DLGAP2: variants seen among roughly 807,000 people sequenced by gnomAD.
DLGAP2 encodes the protein DLG associated protein 2.
DLGAP2 carries 26 observed loss-of-function variants against 100.3 expected under a neutral mutation model. The ratio of observed to expected loss-of-function variants is 0.26; its 90% CI spans 0.19 to 0.36. The LOEUF (loss-of-function observed/expected upper bound fraction) is 0.36, where lower values mean the gene tolerates loss of function less well. DLGAP2 is among the 10% of genes least tolerant of loss of function. The probability of loss-of-function intolerance (pLI) is 1.00; values close to 1 mark genes in which losing one functional copy is unlikely to be tolerated. For missense variants in DLGAP2, 1,858 were observed against 1,453.2 expected (o/e 1.28, Z -4.53); for synonymous variants, 886 against 630.1 (o/e 1.41, Z -6.08).
Position 799,945 on chromosome 8 carries a change from T to C in DLGAP2, c.18+62120T>C, listed in dbSNP as rs180719897. Reference sequence around the variant, plus strand: ...GCTTAAGTCTCATGAATTAATGCTGTAATTGCAGTGATTGGATTCGCATTT... The same window carrying C: ...GCTTAAGTCTCATGAATTAATGCTGCAATTGCAGTGATTGGATTCGCATTT... On this transcript the variant is annotated intron_variant, in intron 1 of 14. Transcript: ENST00000637795. 1.1e-3 allele frequency among the ~76,000 whole-genome samples: 169 copies of C among 152,356 alleles called. 1 individual carries two copies. The highest frequency in any genetic ancestry group is 3.9e-3 in the African/African-American group (164 of 41,594).
At chr8:1,063,619 G>C (rs1280746946) in intron 2 of DLGAP2, among the ~76,000 whole-genome samples, 5 of 149,844 alleles carry the variant, frequency 3.3e-5, no homozygotes, top group Admixed American at 1.3e-4. Context: ...TAGAATGTCA[G>C]TAAAAGGATG....
At chr8:1,627,187 T>G (rs1482481970) in intron 7 of DLGAP2, among the ~76,000 whole-genome samples, 1 of 152,254 alleles carries the variant, frequency 6.6e-6, no homozygotes, top group African/African-American at 2.4e-5. Flanking sequence ...GCTGTCTTCC[T>G]TCTTCCCAGG....
intron 1 of DLGAP2, among the ~76,000 whole-genome samples, chr8:769,283 G>A (rs1241429711): frequency 6.6e-6 from 1 of 152,092 alleles, no homozygotes; most frequent in Non-Finnish European, 1.5e-5. Context: ...CAGGGAAGAA[G>A]TATTGTTCTC....
At chr8:1,316,100 A>G (rs1329797546) in intron 3 of DLGAP2, among the ~76,000 whole-genome samples, 1 of 134,312 alleles carries the variant, frequency 7.4e-6, no homozygotes, top group Non-Finnish European at 1.6e-5. Flanking sequence ...TCTACACTCG[A>G]GACACTCGGC....
intron 2 of DLGAP2, among the ~76,000 whole-genome samples, chr8:1,107,323 G>T (rs2600483): frequency 6.6e-6 from 1 of 152,082 alleles, no homozygotes; most frequent in East Asian, 1.9e-4. Context: ...GGGCTGGGAG[G>T]CTGGGCTGGC....
rs372685866 is a variant in DLGAP2 at position 1,290,186 on chromosome 8, T to C, written c.106+31303T>C. Among the ~76,000 whole-genome samples, 73 of 152,286 alleles carry C rather than the reference T, an allele frequency of 4.8e-4. 1 individual carries two copies. The East Asian group carries it at 0.014, about 29-fold the overall frequency. On this transcript the variant is annotated intron_variant, in intron 3 of 14. Transcript: ENST00000637795. ...CATCACAGGCCTCTGTAAGCAGATCTAGTCAGCTAGACTCGAACAAAATGA... is the reference window on the plus strand; with the variant it reads ...CATCACAGGCCTCTGTAAGCAGATCCAGTCAGCTAGACTCGAACAAAATGA...
At chr8:1,164,125 G>A (rs776466699) in intron 2 of DLGAP2, among the ~76,000 whole-genome samples, 8 of 54,196 alleles carry the variant, frequency 1.5e-4, no homozygotes, top group East Asian at 4.0e-4. Context: ...CGCAGGGCCC[G>A]TCATTTTGGT....
chr8:833,633 G>C (rs576098587), intron 1 of DLGAP2, among the ~76,000 whole-genome samples: 1 of 152,286 alleles, frequency 6.6e-6, no homozygotes, highest in South Asian at 2.1e-4. Context: ...CAGGACCCTC[G>C]GCTTCTCCCC....
At chr8:1,454,400 C>A (rs115847861) in intron 3 of DLGAP2, among the ~76,000 whole-genome samples, 3 of 151,796 alleles carry the variant, frequency 2.0e-5, no homozygotes, top group African/African-American at 4.8e-5. Context: ...ACCGTCCCTG[C>A]GTGAGTTTGA....
chr8:980,235 A>T (rs11137117), intron 2 of DLGAP2, among the ~76,000 whole-genome samples: 12,538 of 152,226 alleles, frequency 0.082, 603 homozygotes, highest in Admixed American at 0.13. Flanking sequence ...TAGCCAAAGA[A>T]ACGGGATGGG....
At position 1,453,619 on chromosome 8, in the gene DLGAP2, A is replaced by G. The variant is rs1405933555; in HGVS notation, c.107-47747A>G. Among the ~76,000 whole-genome samples, 5 of 152,166 alleles carry G rather than the reference A, an allele frequency of 3.3e-5. No homozygotes were observed. The South Asian group carries it at 6.2e-4, about 19-fold the overall frequency. On this transcript the variant is annotated intron_variant, in intron 3 of 14. Coordinates refer to ENST00000637795, the MANE Select transcript of DLGAP2 (RefSeq NM_001346810.2). ...AGAACGTCTCTTGGGGTCCCTTGCA[A>G]GAAGCATAATTCAACCTGTGCCTGC... is the stretch of plus-strand genomic sequence containing the variant.
chr8:1,052,485 G>C (rs1223303419), intron 2 of DLGAP2, among the ~76,000 whole-genome samples: 22 of 152,224 alleles, frequency 1.4e-4, no homozygotes, highest in Non-Finnish European at 3.1e-4. Flanking sequence ...AGTGGGGAGA[G>C]GAGGGAGTAT....
At chr8:1,116,682 G>C (rs978583261) in intron 2 of DLGAP2, among the ~76,000 whole-genome samples, 1 of 152,110 alleles carries the variant, frequency 6.6e-6, no homozygotes, top group African/African-American at 2.4e-5. Context: ...TGTAGTCCCA[G>C]CTAACTCAGG....
At chr8:895,689 A>C (rs1283756257) in intron 1 of DLGAP2, among the ~76,000 whole-genome samples, 1 of 152,160 alleles carries the variant, frequency 6.6e-6, no homozygotes, top group East Asian at 1.9e-4. Flanking sequence ...TGGTGGTGTG[A>C]AGGAGGGTTA....
chr8:1,321,090 C>T (rs751622474), intron 3 of DLGAP2, among the ~76,000 whole-genome samples: 40 of 150,160 alleles, frequency 2.7e-4, no homozygotes, highest in East Asian at 5.9e-4. Flanking sequence ...TCTGTGTGTG[C>T]GCATGCATCC....
chr8:900,502 T>C (rs1478743238), intron 1 of DLGAP2, among the ~76,000 whole-genome samples: 1 of 152,216 alleles, frequency 6.6e-6, no homozygotes, highest in Non-Finnish European at 1.5e-5. Flanking sequence ...ATATAATTAC[T>C]ATTCTTTGTC....
chr8:1,071,075 C>T (rs904969557), intron 2 of DLGAP2, among the ~76,000 whole-genome samples: 1 of 152,182 alleles, frequency 6.6e-6, no homozygotes, highest in African/African-American at 2.4e-5. Flanking sequence ...CGGGGGCGAC[C>T]CGGGCCTCTC....
intron 1 of DLGAP2, among the ~76,000 whole-genome samples, chr8:858,661 G>A (rs780556187): frequency 5.3e-5 from 8 of 151,794 alleles, no homozygotes; most frequent in Middle Eastern, 6.8e-3. Flanking sequence ...GTGGGCACGT[G>A]AGATGCTGTC....
rs185609050 is a variant in DLGAP2 at position 886,277 on chromosome 8, A to G, written c.19-21635A>G. Among the ~76,000 whole-genome samples, 582 of 151,846 alleles carry G rather than the reference A, an allele frequency of 3.8e-3. 2 individuals carry two copies. The highest frequency in any genetic ancestry group is 6.0e-3 in the Non-Finnish European group (408 of 67,938). Reference sequence around the variant, plus strand: ...TTGATTCTTCTCTCTCTTTTTCTTTATTAGTCTAGCTAGCAGTCTATTTTG... The same window carrying G: ...TTGATTCTTCTCTCTCTTTTTCTTTGTTAGTCTAGCTAGCAGTCTATTTTG... On this transcript the variant is annotated intron_variant, in intron 1 of 14. Coordinates refer to ENST00000637795, the MANE Select transcript of DLGAP2 (RefSeq NM_001346810.2).
Sources: allele counts gnomAD v4.1 joint callset (sites outside exome capture counted in the v4.1 genomes callset), GRCh38; gene constraint gnomAD v4.1.1; transcripts MANE v1.5; gene names NCBI Gene and HGNC (gene_info 2026-07-23, HGNC 2026-07-21).